Variants in KDM4C observed in about 807,000 individuals in gnomAD.
KDM4C encodes lysine demethylase 4C.
In KDM4C, 81 loss-of-function variants were observed where a neutral mutation model predicts 129.3. That is an observed-to-expected ratio of 0.63 (90% CI 0.52 to 0.75). KDM4C has a LOEUF of 0.75. Among genes scored for constraint, KDM4C ranks in the 30% least tolerant of loss-of-function variants. The probability of loss-of-function intolerance (pLI) is 0.00; values close to 1 mark genes in which losing one functional copy is unlikely to be tolerated. For missense variants in KDM4C, 1,457 were observed against 1,304.0 expected (o/e 1.12, Z -1.81); for synonymous variants, 573 against 456.1 (o/e 1.26, Z -3.26).
rs981964457 is a variant in KDM4C at position 6,771,209 on chromosome 9, G to A, written c.-18+13006G>A. 2.7e-5 allele frequency among the ~76,000 whole-genome samples: 4 copies of A among 150,220 alleles called. No homozygotes were observed. The Admixed American group carries it at 2.7e-4, about 10-fold the overall frequency. On this transcript the variant is annotated intron_variant, in intron 1 of 21. Transcript: ENST00000381309. ...TCCCCCCAAAGTGCTAGGATTACAG[G>A]TGTGAGCCACTGCACCTGGCCTGAT... is the stretch of plus-strand genomic sequence containing the variant.
chr9:7,007,825 A>G (rs1167524560), intron 12 of KDM4C, among the ~76,000 whole-genome samples: 2 of 152,210 alleles, frequency 1.3e-5, no homozygotes, highest in Admixed American at 1.3e-4. Flanking sequence ...AAAAATAGCA[A>G]TAAAAACAAC....
intron 1 of KDM4C, among the ~76,000 whole-genome samples, chr9:6,780,614 A>C (rs1247519111): frequency 6.6e-6 from 1 of 151,774 alleles, no homozygotes; most frequent in Non-Finnish European, 1.5e-5. Flanking sequence ...AAAAAATACG[A>C]AAATTAGCCG....
At position 7,011,880 on chromosome 9, in the gene KDM4C, G is replaced by C; in HGVS notation, c.1968+1G>C. On this transcript the variant is annotated splice_donor_variant, in intron 13 of 21. Transcript: ENST00000381309. LOFTEE classifies it high-confidence loss of function. ...CACTCTGCTCATGCCGTACCACAAG[G>C]TAAAGGAGCCTGCTATCATAGTTCC... 6.2e-7 allele frequency: 1 copy of C among 1,611,898 alleles called. No homozygotes were observed. The highest frequency in any genetic ancestry group is 8.5e-7 in the Non-Finnish European group (1 of 1,178,778).
rs552796947 is a variant in KDM4C, at chr9:7,146,396, C to T, written c.2781+18160C>T. 3.8e-4 allele frequency among the ~76,000 whole-genome samples: 58 copies of T among 152,270 alleles called. 1 individual carries two copies. The South Asian group carries it at 9.5e-3, about 25-fold the overall frequency. Reference sequence around the variant, plus strand: ...GAACTACTTATATCCTTACTCTTTTCCCCTAATTTTCCTTATCTAGATCTT... The same window carrying T: ...GAACTACTTATATCCTTACTCTTTTTCCCTAATTTTCCTTATCTAGATCTT... On this transcript the variant is annotated intron_variant, in intron 19 of 21. Transcript: ENST00000381309.
At chr9:7,140,216 C>G (rs1397048879) in intron 19 of KDM4C, among the ~76,000 whole-genome samples, 3 of 152,258 alleles carry the variant, frequency 2.0e-5, no homozygotes, top group Admixed American at 6.5e-5. Flanking sequence ...GATGGTCGCC[C>G]TACACTCCTG....
chr9:6,796,338 G>T (rs1016722206), intron 2 of KDM4C, among the ~76,000 whole-genome samples: 5 of 152,156 alleles, frequency 3.3e-5, no homozygotes, highest in African/African-American at 1.2e-4. Flanking sequence ...CCAGCTAATC[G>T]GGAGGCTGAG....
chr9:6,848,376 T>C (rs1298834434), intron 4 of KDM4C, among the ~76,000 whole-genome samples: 1 of 152,094 alleles, frequency 6.6e-6, no homozygotes, highest in Non-Finnish European at 1.5e-5. Flanking sequence ...AGTCAATTCA[T>C]GAGTGATTGG....
intron 17 of KDM4C, chr9:7,076,896 C>T (rs1477034034): frequency 1.1e-5 from 11 of 989,110 alleles, no homozygotes; most frequent in Admixed American, 1.2e-4. Context: ...GAGGTTGTCT[C>T]CTGTAGCATG....
At chr9:6,802,129 A>C (rs966111477) in intron 2 of KDM4C, among the ~76,000 whole-genome samples, 4 of 152,000 alleles carry the variant, frequency 2.6e-5, no homozygotes, top group African/African-American at 9.7e-5. Flanking sequence ...AAGTATCAGT[A>C]AGGTCAGTAA....
chr9:6,881,990 T>G (rs1308927624), intron 6 of KDM4C, among the ~76,000 whole-genome samples: 2 of 152,242 alleles, frequency 1.3e-5, no homozygotes, highest in Non-Finnish European at 1.5e-5. Flanking sequence ...GCATCATAAT[T>G]ATCACACTTG....
intron 1 of KDM4C, chr9:6,748,818 T>C (rs1023910565): frequency 3.3e-5 from 43 of 1,306,930 alleles, no homozygotes; most frequent in Non-Finnish European, 4.4e-5. Context: ...TAATACAAGG[T>C]TCATATACTC....
chr9:7,055,949 T>C (rs1830807068), intron 17 of KDM4C, among the ~76,000 whole-genome samples: 1 of 152,214 alleles, frequency 6.6e-6, no homozygotes, highest in Non-Finnish European at 1.5e-5. Flanking sequence ...ATTGATTATC[T>C]TTCATCATGC....
intron 1 of KDM4C, among the ~76,000 whole-genome samples, chr9:6,724,248 C>G (rs1817053309): frequency 6.6e-6 from 1 of 152,162 alleles, no homozygotes; most frequent in Non-Finnish European, 1.5e-5. Flanking sequence ...TGGCAATAGG[C>G]AGTAAGTGCC....
chr9:6,982,489 G>T (rs987208512), intron 9 of KDM4C: 1 of 152,178 alleles, frequency 6.6e-6, no homozygotes, highest in African/African-American at 2.4e-5. Flanking sequence ...ATTCACTCAT[G>T]ACATGTGTGA....
chr9:6,884,319 A>G (rs1276374554), intron 6 of KDM4C, among the ~76,000 whole-genome samples: 1 of 152,210 alleles, frequency 6.6e-6, no homozygotes, highest in African/African-American at 2.4e-5. Flanking sequence ...AAATGTTACT[A>G]GGTTTCTCTG....
At chr9:6,885,135 A>T (rs1472250245) in intron 6 of KDM4C, among the ~76,000 whole-genome samples, 1 of 152,158 alleles carries the variant, frequency 6.6e-6, no homozygotes, top group African/African-American at 2.4e-5. Context: ...CATGTAACAC[A>T]TTTCCAATAC....
At chr9:7,144,845 GCTATT>G (rs1397147887) in intron 19 of KDM4C, among the ~76,000 whole-genome samples, 1 of 152,264 alleles carries the variant, frequency 6.6e-6, no homozygotes, top group Non-Finnish European at 1.5e-5. Context: ...AGGGAGCTAA[GCTATT>G]CTTAGGTCTC....
chr9:7,123,976 G>A (rs1427089114), intron 18 of KDM4C, among the ~76,000 whole-genome samples: 2 of 152,156 alleles, frequency 1.3e-5, no homozygotes. Flanking sequence ...CTGAGCTGAA[G>A]GTCTCAGTAT....
intron 19 of KDM4C, among the ~76,000 whole-genome samples, chr9:7,160,447 T>C (rs996990817): frequency 2.0e-5 from 3 of 152,268 alleles, no homozygotes; most frequent in African/African-American, 7.2e-5. Flanking sequence ...TGCTCTGGTT[T>C]CTCCACATCT....
Sources: gnomAD v4.1 joint callset for allele counts (sites outside exome capture counted in the v4.1 genomes callset) on GRCh38, gnomAD v4.1.1 for gene constraint, MANE v1.5 for transcripts, NCBI Gene and HGNC (gene_info 2026-07-23, HGNC 2026-07-21) for gene names.